The following SUCLG2 variants were observed in gnomAD, a reference collection of about 807,000 sequenced individuals.
The protein encoded by SUCLG2 is succinate--CoA ligase [GDP-forming] subunit beta, mitochondrial.
A neutral mutation model predicts 47.9 loss-of-function variants in SUCLG2; 42 were observed. The ratio of observed to expected loss-of-function variants is 0.88; its 90% CI spans 0.69 to 1.14. SUCLG2 has a LOEUF of 1.14. SUCLG2 is among the 50% of genes most tolerant of loss of function. The probability of loss-of-function intolerance (pLI) is 0.00; values close to 1 mark genes in which losing one functional copy is unlikely to be tolerated. For missense variants in SUCLG2, 571 were observed against 525.9 expected (o/e 1.09, Z -0.84); for synonymous variants, 195 against 197.3 (o/e 0.99, Z 0.10).
chr3:67,621,093 TGCAACTACTCAACTC>T (rs1325107158), intron 1 of SUCLG2, among the ~76,000 whole-genome samples: 1 of 152,228 alleles, frequency 6.6e-6, no homozygotes, highest in Non-Finnish European at 1.5e-5. Flanking sequence ...TGGACTCTGT[TGCAACTACTCAACTC>T]TGCCTTTGTA....
chr3:67,433,957 T>C (rs1302148495), intron 9 of SUCLG2, among the ~76,000 whole-genome samples: 3 of 152,168 alleles, frequency 2.0e-5, no homozygotes, highest in Admixed American at 1.3e-4. Flanking sequence ...AAGCTTTCAA[T>C]ACCTACGAGA....
At chr3:67,522,984 T>C (rs544540966) in intron 4 of SUCLG2, among the ~76,000 whole-genome samples, 1 of 152,028 alleles carries the variant, frequency 6.6e-6, no homozygotes, top group African/African-American at 2.4e-5. Flanking sequence ...GTATTTTTAG[T>C]AGAGACGGGG....
intron 9 of SUCLG2, among the ~76,000 whole-genome samples, chr3:67,474,915 T>G (rs1286021508): frequency 1.3e-5 from 2 of 151,858 alleles, no homozygotes. Context: ...ATAAGTAGGC[T>G]CTACTTTCCC....
intron 9 of SUCLG2, among the ~76,000 whole-genome samples, chr3:67,451,808 T>C (rs1425531666): frequency 6.6e-6 from 1 of 152,184 alleles, no homozygotes; most frequent in Admixed American, 6.5e-5. Flanking sequence ...ACTTTAAAGA[T>C]AATATAATCT....
intron 1 of SUCLG2, among the ~76,000 whole-genome samples, chr3:67,611,214 C>T (rs6767968): frequency 0.5 from 75,796 of 152,078 alleles, 20,145 homozygotes; most frequent in South Asian, 0.68. Context: ...CTCTCTGTTC[C>T]GTCCTTGTAG....
chr3:67,523,178 C>T (rs1220661849), intron 4 of SUCLG2, among the ~76,000 whole-genome samples: 4 of 152,024 alleles, frequency 2.6e-5, no homozygotes. Context: ...TCAGATACCA[C>T]AAAAACACTT....
At chr3:67,534,501 C>A (rs1265857703) in intron 2 of SUCLG2, among the ~76,000 whole-genome samples, 4 of 151,814 alleles carry the variant, frequency 2.6e-5, no homozygotes, top group Admixed American at 2.0e-4. Context: ...AATTAGGCTA[C>A]TCCTCTGATC....
intron 2 of SUCLG2, among the ~76,000 whole-genome samples, chr3:67,604,199 A>C (rs1240138911): frequency 6.6e-6 from 1 of 152,248 alleles, no homozygotes; most frequent in Non-Finnish European, 1.5e-5. Flanking sequence ...GTTCAAATTA[A>C]CAAGCTTTCC....
intron 2 of SUCLG2, among the ~76,000 whole-genome samples, chr3:67,545,187 T>C (rs1019063362): frequency 1.3e-5 from 2 of 152,136 alleles, no homozygotes; most frequent in African/African-American, 2.4e-5. Flanking sequence ...GAAACACATA[T>C]TCCATACTTT....
At chr3:67,378,211 T>C (rs1702077124) in intron 10 of SUCLG2, among the ~76,000 whole-genome samples, 1 of 152,252 alleles carries the variant, frequency 6.6e-6, no homozygotes. Flanking sequence ...TCTTGCCTCC[T>C]GGTAGTCACA....
chr3:67,439,340 C>A (rs1703701681), intron 9 of SUCLG2, among the ~76,000 whole-genome samples: 1 of 152,098 alleles, frequency 6.6e-6, no homozygotes, highest in Non-Finnish European at 1.5e-5. Context: ...GACAAGGATG[C>A]CCTCTCTCAC....
chr3:67,504,214 T>C (rs993640583), intron 7 of SUCLG2, among the ~76,000 whole-genome samples: 1 of 151,640 alleles, frequency 6.6e-6, no homozygotes, highest in Non-Finnish European at 1.5e-5. Context: ...GAACTTTTTT[T>C]TAGTGGCTGT....
chr3:67,650,282 C>T (rs1415601941), intron 1 of SUCLG2, among the ~76,000 whole-genome samples: 3 of 152,206 alleles, frequency 2.0e-5, no homozygotes, highest in Non-Finnish European at 2.9e-5. Context: ...TTACAAAAGT[C>T]ATGCATTCAT....
chr3:67,620,502 T>C (rs1372280520), intron 1 of SUCLG2, among the ~76,000 whole-genome samples: 1 of 143,536 alleles, frequency 7.0e-6, no homozygotes, highest in African/African-American at 2.6e-5. Flanking sequence ...GGAGAACAGC[T>C]TGAACGCAGG....
chr3:67,541,087 C>T (rs1044622431), intron 2 of SUCLG2, among the ~76,000 whole-genome samples: 8 of 152,182 alleles, frequency 5.3e-5, no homozygotes, highest in Middle Eastern at 3.4e-3. Context: ...GATAAATCCA[C>T]GAAGATAAGG....
intron 2 of SUCLG2, among the ~76,000 whole-genome samples, chr3:67,574,204 G>C (rs1478541464): frequency 6.6e-6 from 1 of 152,108 alleles, no homozygotes; most frequent in Non-Finnish European, 1.5e-5. Flanking sequence ...CTTGTGATTA[G>C]ATTGGGTCCC....
At chr3:67,467,189 G>A (rs987377768) in intron 9 of SUCLG2, among the ~76,000 whole-genome samples, 1 of 152,072 alleles carries the variant, frequency 6.6e-6, no homozygotes, top group Admixed American at 6.5e-5. Context: ...TACCTCTTGA[G>A]ATTGATAATA....
intron 1 of SUCLG2, among the ~76,000 whole-genome samples, chr3:67,622,733 A>T (rs1357835960): frequency 6.6e-6 from 1 of 152,238 alleles, no homozygotes; most frequent in African/African-American, 2.4e-5. Context: ...AACTACTTTG[A>T]AAAGATTAAT....
chr3:67,654,475 C>G, intron 1 of SUCLG2, 28 bp downstream of exon 1: 1 of 1,231,016 alleles, frequency 8.1e-7, no homozygotes, highest in Non-Finnish European at 1.0e-6. Flanking sequence ...CCGCTGCTGG[C>G]GCCCGCAGCT....
Sources: gnomAD v4.1 joint callset for allele counts (sites outside exome capture counted in the v4.1 genomes callset) on GRCh38, gnomAD v4.1.1 for gene constraint, MANE v1.5 for transcripts, NCBI Gene and HGNC (gene_info 2026-07-23, HGNC 2026-07-21) for gene names.